The following PDE1C variants were observed in gnomAD, a reference collection of about 807,000 sequenced individuals.
PDE1C encodes the protein dual specificity calcium/calmodulin-dependent 3',5'-cyclic nucleotide phosphodiesterase 1C.
In PDE1C, 62 loss-of-function variants were observed where a neutral mutation model predicts 93.1. The observed-to-expected ratio is 0.67, with a 90% CI of 0.54 to 0.82. PDE1C has a LOEUF of 0.82. Ranked by LOEUF, PDE1C falls within the 40% of genes least tolerant of loss-of-function variation. The pLI is 0.00. For synonymous variants in PDE1C, 325 were observed against 310.1 expected, an observed-to-expected ratio of 1.05 and a Z score of -0.50; for missense variants, 742 against 884.6, an observed-to-expected ratio of 0.84 and a Z score of 2.04.
At chr7:32,093,731 A>G (rs1797599861) in intron 3 of PDE1C, among the ~76,000 whole-genome samples, 1 of 152,236 alleles carries the variant, frequency 6.6e-6, no homozygotes, top group Non-Finnish European at 1.5e-5. Context: ...TGCAAAAAAT[A>G]AGCCAAAACA....
chr7:32,055,397 G>A (rs190266747), intron 1 of PDE1C, among the ~76,000 whole-genome samples: 40 of 151,984 alleles, frequency 2.6e-4, no homozygotes, highest in Admixed American at 5.9e-4. Flanking sequence ...ACCTACTTTC[G>A]ACTTGACAGA....
intron 1 of PDE1C, among the ~76,000 whole-genome samples, chr7:32,396,448 A>G (rs976878895): frequency 2.6e-5 from 4 of 152,024 alleles, no homozygotes; most frequent in African/African-American, 9.7e-5. Flanking sequence ...ACTGCACTCC[A>G]GCCTGAACAA....
chr7:32,025,907 G>A (rs189932762), intron 2 of PDE1C, among the ~76,000 whole-genome samples: 7 of 152,220 alleles, frequency 4.6e-5, no homozygotes, highest in East Asian at 3.9e-4. Context: ...GGCCAACCAC[G>A]TGCTGGCAGC....
At chr7:32,082,555 G>T (rs1254352759) in intron 3 of PDE1C, among the ~76,000 whole-genome samples, 2 of 152,206 alleles carry the variant, frequency 1.3e-5, no homozygotes, top group Non-Finnish European at 2.9e-5. Flanking sequence ...CTCCTCAAGT[G>T]GGTCCCTGAC....
intron 2 of PDE1C, among the ~76,000 whole-genome samples, chr7:32,040,221 CTT>C (rs1392181573): frequency 6.6e-6 from 1 of 152,192 alleles, no homozygotes; most frequent in African/African-American, 2.4e-5. Flanking sequence ...ACACTTAACA[CTT>C]TTAATCTTTA....
At chr7:32,394,747 A>T (rs1257955172) in intron 1 of PDE1C, among the ~76,000 whole-genome samples, 1 of 152,172 alleles carries the variant, frequency 6.6e-6, no homozygotes, top group Admixed American at 6.5e-5. Context: ...CCAGGAGGCT[A>T]AGACTGCAGT....
At chr7:32,358,544 G>A (rs4723147) in intron 1 of PDE1C, among the ~76,000 whole-genome samples, 30,475 of 151,982 alleles carry the variant, frequency 0.2, 3,714 homozygotes, top group East Asian at 0.51. Context: ...GCGGGCAAGT[G>A]GGGGTGTGGA....
chr7:32,127,810 A>C (rs1229881737), intron 3 of PDE1C, among the ~76,000 whole-genome samples: 1 of 152,080 alleles, frequency 6.6e-6, no homozygotes, highest in East Asian at 1.9e-4. Context: ...TCCCCTATTT[A>C]ACCATAAAGT....
intron 3 of PDE1C, among the ~76,000 whole-genome samples, chr7:32,089,196 T>C (rs1328958227): frequency 2.6e-5 from 4 of 152,228 alleles, no homozygotes; most frequent in Non-Finnish European, 5.9e-5. Flanking sequence ...AATAGAAGTA[T>C]AGTACTATTT....
At chr7:32,207,978 A>G (rs1347878081) in intron 2 of PDE1C, among the ~76,000 whole-genome samples, 1 of 152,232 alleles carries the variant, frequency 6.6e-6, no homozygotes, top group Non-Finnish European at 1.5e-5. Flanking sequence ...CAGGAGATGA[A>G]GAAAAAAATG....
At chr7:32,060,558 C>T (rs528081570) in intron 1 of PDE1C, among the ~76,000 whole-genome samples, 32 of 152,232 alleles carry the variant, frequency 2.1e-4, no homozygotes, top group African/African-American at 6.3e-4. Context: ...GGAAAAAAAG[C>T]GCCAACTAGC....
At chr7:32,026,735 T>C (rs187279575) in intron 2 of PDE1C, among the ~76,000 whole-genome samples, 2 of 152,242 alleles carry the variant, frequency 1.3e-5, no homozygotes, top group Non-Finnish European at 2.9e-5. Flanking sequence ...TTATTCATAA[T>C]TGCCAAAACT....
intron 1 of PDE1C, among the ~76,000 whole-genome samples, chr7:32,374,005 AAAAG>A (rs1050934483): frequency 2.0e-5 from 3 of 150,464 alleles, no homozygotes; most frequent in African/African-American, 2.4e-5. Context: ...AAAAGAAAAG[AAAAG>A]AAAGAAAGAA....
At chr7:32,079,940 C>G (rs1181841670) in intron 3 of PDE1C, among the ~76,000 whole-genome samples, 1 of 152,078 alleles carries the variant, frequency 6.6e-6, no homozygotes, top group South Asian at 2.1e-4. Flanking sequence ...TTTAATACAC[C>G]CAAGTGGTCA....
At chr7:31,981,802 A>G (rs722272) in intron 2 of PDE1C, among the ~76,000 whole-genome samples, 91,073 of 152,012 alleles carry the variant, frequency 0.6, 28,012 homozygotes, top group African/African-American at 0.75. Context: ...TATATCTTTG[A>G]ATATTATCAA....
At chr7:31,722,283 A>G in the PDE1C span, among the ~76,000 whole-genome samples, 2 of 152,174 alleles carry the variant, frequency 1.3e-5, no homozygotes, top group Admixed American at 1.3e-4. Context: ...TTAGTTCTGA[A>G]ACTAAGGTCT....
chr7:32,161,284 A>T (rs894878649), intron 3 of PDE1C, among the ~76,000 whole-genome samples: 3 of 152,190 alleles, frequency 2.0e-5, no homozygotes, highest in Non-Finnish European at 2.9e-5. Flanking sequence ...GCACACGGAT[A>T]GGAGGTTGGG....
chr7:31,851,270 A>T (rs937932674), intron 7 of PDE1C, among the ~76,000 whole-genome samples: 25 of 152,124 alleles, frequency 1.6e-4, no homozygotes, highest in African/African-American at 2.4e-5. Flanking sequence ...CCCCATCCAC[A>T]CCATCAACAT....
At chr7:32,283,341 T>G (rs1404008854) in intron 1 of PDE1C, among the ~76,000 whole-genome samples, 1 of 151,940 alleles carries the variant, frequency 6.6e-6, no homozygotes, top group Admixed American at 6.6e-5. Context: ...CAAAAACAAC[T>G]TTTTTTTTGT....
Sources: gnomAD v4.1 joint callset for allele counts (sites outside exome capture counted in the v4.1 genomes callset) on GRCh38, gnomAD v4.1.1 for gene constraint, MANE v1.5 for transcripts, NCBI Gene and HGNC (gene_info 2026-07-23, HGNC 2026-07-21) for gene names.